The following AOX1 variants were observed in gnomAD, a reference collection of about 807,000 sequenced individuals.
The protein encoded by AOX1 is aldehyde oxidase 1, also known as aldehyde oxidase.
A neutral mutation model predicts 169.5 loss-of-function variants in AOX1; 153 were observed. That is an observed-to-expected ratio of 0.90 (90% CI 0.79 to 1.03). The LOEUF (loss-of-function observed/expected upper bound fraction) is 1.03, where lower values mean the gene tolerates loss of function less well. AOX1 is among the 50% of genes least tolerant of loss of function. The pLI, the probability that AOX1 is intolerant of heterozygous loss-of-function variation, is 0.00. For synonymous variants in AOX1, 562 were observed against 581.9 expected, an observed-to-expected ratio of 0.97 and a Z score of 0.49; for missense variants, 1,656 against 1,663.9, an observed-to-expected ratio of 1.00 and a Z score of 0.08.
intron 29 of AOX1, among the ~76,000 whole-genome samples, chr2:200,660,771 T>G (rs1217309163): frequency 6.6e-6 from 1 of 152,204 alleles, no homozygotes; most frequent in Non-Finnish European, 1.5e-5. Flanking sequence ...AGGATCCCAC[T>G]TAGAAATGGT....
intron 32 of AOX1, among the ~76,000 whole-genome samples, chr2:200,667,372 G>T (rs2035940512): frequency 6.6e-6 from 1 of 151,914 alleles, no homozygotes; most frequent in Non-Finnish European, 1.5e-5. Flanking sequence ...TCATATACTG[G>T]GTTTGCGTGT....
At chr2:200,615,182 T>A (rs914087450) in intron 15 of AOX1, among the ~76,000 whole-genome samples, 1 of 152,078 alleles carries the variant, frequency 6.6e-6, no homozygotes, top group African/African-American at 2.4e-5. Flanking sequence ...ATTTCTTTAT[T>A]TTTTTGGAGA....
At chr2:200,592,877 A>C (rs548592425) in intron 1 of AOX1, among the ~76,000 whole-genome samples, 1 of 152,154 alleles carries the variant, frequency 6.6e-6, no homozygotes, top group Admixed American at 6.5e-5. Flanking sequence ...ACTGGACAGG[A>C]GGTAGTGTTT....
intron 1 of AOX1, among the ~76,000 whole-genome samples, chr2:200,586,544 CTG>C (rs1309102378): frequency 6.6e-6 from 1 of 152,248 alleles, no homozygotes; most frequent in Non-Finnish European, 1.5e-5. Flanking sequence ...CCCCAGTACA[CTG>C]AGAGCAGCCT....
In AOX1 at chr2:200,626,536, T is replaced by G. The variant is rs7569193; in HGVS notation, c.2125-817T>G. Reference sequence around the variant, plus strand: ...GGGATAGCTAAAAACCAACCTATGTTATTGTAACTACATCTCTGGTTTTGT... The same window carrying G: ...GGGATAGCTAAAAACCAACCTATGTGATTGTAACTACATCTCTGGTTTTGT... On this transcript the variant is annotated intron_variant, in intron 19 of 34. Coordinates refer to ENST00000374700, the MANE Select transcript of AOX1 (RefSeq NM_001159.4). Among the ~76,000 whole-genome samples, 757 of 152,354 alleles carry G rather than the reference T, an allele frequency of 5.0e-3. 3 individuals carry two copies. Among genetic ancestry groups the G allele is most frequent in the African/African-American group, 0.018 (734 of 41,582 alleles).
chr2:200,620,964 G>T, intron 17 of AOX1, 145 bp downstream of exon 17: 1 of 1,306,928 alleles, frequency 7.7e-7, no homozygotes. Flanking sequence ...TCGAAATGTA[G>T]GATTTACTAC....
At chr2:200,640,012 G>A (rs910444657) in intron 23 of AOX1, among the ~76,000 whole-genome samples, 12 of 150,424 alleles carry the variant, frequency 8.0e-5, no homozygotes, top group African/African-American at 1.2e-4. Flanking sequence ...ACTCCAGCCC[G>A]GGTGACAGAG....
At chr2:200,669,768 T>A in intron 34 of AOX1, 26 bp downstream of exon 34, 1 of 1,604,028 alleles carries the variant, frequency 6.2e-7, no homozygotes, top group Non-Finnish European at 8.5e-7. Flanking sequence ...AGAAAAAAAA[T>A]AGTGATCATA....
In AOX1 at chr2:200,663,068, G is replaced by A. The variant is rs1369171325; in HGVS notation, c.3543+99G>A. 35 of 889,372 alleles carry A rather than the reference G, an allele frequency of 3.9e-5. No homozygotes were observed. In the Middle Eastern group the frequency reaches 1.1e-3, roughly 27 times the overall value. 55.1% of individuals were successfully genotyped at this position (889,372 alleles called of 1,614,324 possible). ...GGAGAGCTTAGTGAGTGGCAGCATC[G>A]TGCATTTGGCCTAAGGGTGATTTCC... On this transcript the variant is annotated intron_variant, in intron 31 of 34. Transcript: ENST00000374700.
chr2:200,611,387 G>A lies in AOX1; in HGVS notation c.1157G>A (p.Gly386Glu). ...NCTLNLLSKEGKRQIPLNEQF... is the reference protein window; with the variant it reads ...NCTLNLLSKEEKRQIPLNEQF... ...AAAGTGTCATTTCTTTCCACAGAAG[G>A]AAAACGACAGATTCCTTTAAATGAG... is the stretch of plus-strand genomic sequence containing the variant. The change falls in exon 13 of 35, where the codon GGA becomes GAA. Residue 386 changes from glycine to glutamate, a missense_variant. Gly to Glu is a moderately conservative substitution (Grantham distance 98). Transcript: ENST00000374700. 1 of 1,609,828 alleles carries A rather than the reference G, an allele frequency of 6.2e-7. No homozygotes were observed. The highest frequency in any genetic ancestry group is 8.5e-7 in the Non-Finnish European group (1 of 1,176,310).
intron 14 of AOX1, among the ~76,000 whole-genome samples, 179 bp downstream of exon 14, chr2:200,612,972 A>G (rs551948988): frequency 6.6e-6 from 1 of 151,050 alleles, no homozygotes; most frequent in East Asian, 2.0e-4. Flanking sequence ...ATGTTAGTGA[A>G]TTCTGAAGTG....
chr2:200,649,746 C>G (rs1022401588), intron 25 of AOX1, among the ~76,000 whole-genome samples: 2 of 152,106 alleles, frequency 1.3e-5, no homozygotes, highest in African/African-American at 2.4e-5. Context: ...ATGGGGTGAG[C>G]TCTCTCTCAG....
Position 200,613,374 on chromosome 2 carries a change from G to C in AOX1, c.1449-430G>C, listed in dbSNP as rs1019904859. Among the ~76,000 whole-genome samples the C allele has an allele frequency of 6.6e-5, 10 of 152,194 alleles. No individual in the cohort carries two copies. The East Asian group carries it at 1.2e-3, about 18-fold the overall frequency. On this transcript the variant is annotated intron_variant, in intron 14 of 34. Transcript: ENST00000374700. ...GCTTACTTAATTATATTGGTACTTT[G>C]GTTCCCTAGCTGTCAAAGATGGGTG...
At chr2:200,633,810 T>C (rs1283130822) in intron 20 of AOX1, among the ~76,000 whole-genome samples, 2 of 152,242 alleles carry the variant, frequency 1.3e-5, no homozygotes, top group African/African-American at 4.8e-5. Flanking sequence ...AGACTTTAGA[T>C]CTTATTTGAA....
rs3038607 is a variant in AOX1 at position 200,605,510 on chromosome 2, ATT to A, written c.815-12_815-11del. The A allele has an allele frequency of 0.014, 16,838 of 1,201,100 alleles. 114 individuals carry two copies. Among genetic ancestry groups the A allele is most frequent in the East Asian group, 0.081 (3,059 of 37,538 alleles). The allele number at this position is 1,201,100 out of a possible 1,614,324, so 74.4% of individuals were successfully genotyped here. On this transcript the variant is annotated intron_variant, in intron 9 of 34. Coordinates refer to ENST00000374700, the MANE Select transcript of AOX1 (RefSeq NM_001159.4). The stretch of plus-strand genomic sequence containing the variant: ...TAGTTCCTTTATTCTAGTCTTATTG[ATT>A]TTTTTTTTTTTTTGATCCTTTAGGG...
Position 200,623,893 on chromosome 2 carries a change from G to C in AOX1, c.2034G>C (p.Val678=), listed in dbSNP as rs1302349022. The change falls in exon 19 of 35, where the codon GTG becomes GTC. Residue 678 remains valine (V), a synonymous_variant. Coordinates refer to ENST00000374700, the MANE Select transcript of AOX1 (RefSeq NM_001159.4). ...VFCVGQLVCA[V]LADSEVQAKR... ...GTGTGGGTCAGCTTGTCTGTGCTGT[G>C]CTTGCCGATTCTGAGGTTCAGGCAA... 1 of 1,613,980 alleles carries C rather than the reference G, an allele frequency of 6.2e-7. No homozygotes were observed.
intron 23 of AOX1, among the ~76,000 whole-genome samples, chr2:200,639,039 A>G (rs1011887896): frequency 1.3e-5 from 2 of 152,236 alleles, no homozygotes; most frequent in Non-Finnish European, 2.9e-5. Flanking sequence ...CACTAGGAGC[A>G]TATGGCTATT....
Position 200,651,304 on chromosome 2 carries a change from G to T in AOX1, c.3075+103G>T, listed in dbSNP as rs74720180. The stretch of plus-strand genomic sequence containing the variant: ...CTTAAGTCATATTAGCCATATGGTT[G>T]CAATGCCCAATTGTTAAATTTCACA... On this transcript the variant is annotated intron_variant, in intron 26 of 34. Transcript: ENST00000374700. 4,290 of 964,196 alleles carry T rather than the reference G, an allele frequency of 4.4e-3. 132 individuals are homozygous for T. The African/African-American group carries it at 0.062, about 14-fold the overall frequency. 59.7% of individuals were successfully genotyped at this position (964,196 alleles called of 1,614,324 possible).
chr2:200,653,365 T>C (rs184423787), intron 26 of AOX1, among the ~76,000 whole-genome samples: 125 of 152,306 alleles, frequency 8.2e-4, no homozygotes, highest in African/African-American at 3.0e-3. Flanking sequence ...ACAAACTAAA[T>C]AGAGGAGGAA....
Sources: allele counts gnomAD v4.1 joint callset (sites outside exome capture counted in the v4.1 genomes callset), GRCh38; gene constraint gnomAD v4.1.1; transcripts MANE v1.5; gene names NCBI Gene and HGNC (gene_info 2026-07-23, HGNC 2026-07-21).